The following ZNF385B variants were observed in gnomAD, a reference collection of about 807,000 sequenced individuals.
ZNF385B encodes the protein zinc finger protein 533.
A neutral mutation model predicts 39.2 loss-of-function variants in ZNF385B; 23 were observed. The ratio of observed to expected loss-of-function variants is 0.59; its 90% CI spans 0.42 to 0.83. The LOEUF is 0.83. Among genes scored for constraint, ZNF385B ranks in the 40% least tolerant of loss-of-function variants. The pLI is 0.00. For missense variants in ZNF385B, 552 were observed against 598.9 expected, an observed-to-expected ratio of 0.92 and a Z score of 0.82; for synonymous variants, 205 against 222.6, an observed-to-expected ratio of 0.92 and a Z score of 0.70.
intron 5 of ZNF385B, among the ~76,000 whole-genome samples, chr2:179,513,536 C>T (rs557179622): frequency 9.2e-5 from 14 of 152,190 alleles, no homozygotes; most frequent in Admixed American, 6.5e-4. Context: ...AGTGGATGTA[C>T]TCCTGGAGTA....
chr2:179,562,777 A>T (rs918692643), intron 3 of ZNF385B, among the ~76,000 whole-genome samples: 1 of 152,176 alleles, frequency 6.6e-6, no homozygotes, highest in Non-Finnish European at 1.5e-5. Context: ...TGACACCCAC[A>T]TCTCCCTCCT....
chr2:179,688,118 T>G (rs1287133512), intron 3 of ZNF385B, among the ~76,000 whole-genome samples: 1 of 152,056 alleles, frequency 6.6e-6, no homozygotes, highest in African/African-American at 2.4e-5. Context: ...GCCTGGCAAG[T>G]TCTCCAGGAC....
At chr2:179,482,833 A>G (rs1410889036) in intron 6 of ZNF385B, among the ~76,000 whole-genome samples, 1 of 152,082 alleles carries the variant, frequency 6.6e-6, no homozygotes, top group Non-Finnish European at 1.5e-5. Context: ...CCTTTTTACT[A>G]CAGTAAGAGA....
At chr2:179,451,528 A>G (rs2050156985) in intron 6 of ZNF385B, among the ~76,000 whole-genome samples, 1 of 152,106 alleles carries the variant, frequency 6.6e-6, no homozygotes, top group Admixed American at 6.6e-5. Context: ...TATGTTTAAC[A>G]CTTACATGGT....
chr2:179,452,716 A>G (rs1404966837), intron 6 of ZNF385B, among the ~76,000 whole-genome samples: 1 of 152,176 alleles, frequency 6.6e-6, no homozygotes, highest in Admixed American at 6.6e-5. Flanking sequence ...TCACTGCAGA[A>G]AATTTAAAAA....
intron 1 of ZNF385B, among the ~76,000 whole-genome samples, chr2:179,803,538 T>C (rs1466461939): frequency 2.0e-5 from 3 of 152,204 alleles, no homozygotes; most frequent in Non-Finnish European, 4.4e-5. Flanking sequence ...TCTTGTCTAA[T>C]TAATGGAACA....
chr2:179,568,515 C>G (rs1317762183), intron 3 of ZNF385B, among the ~76,000 whole-genome samples: 1 of 152,172 alleles, frequency 6.6e-6, no homozygotes, highest in African/African-American at 2.4e-5. Context: ...ATTTTAGCAT[C>G]AAATAGTTTC....
At position 179,443,048 on chromosome 2, in the gene ZNF385B, A is replaced by AT. The variant is rs1260769482; in HGVS notation, c.*201dup. 2 of 656,026 alleles carry AT rather than the reference A, an allele frequency of 3.0e-6. No individual in the cohort carries two copies. The highest frequency in any genetic ancestry group is 3.6e-5 in the African/African-American group (2 of 55,530). 40.6% of individuals were successfully genotyped at this position (656,026 alleles called of 1,614,324 possible). Reference sequence around the variant, plus strand: ...TAGGGAGATAAAGCCTATGCTGCTGATTCCTCAATTATAGGAGCAGTCTCT... The same window carrying AT: ...TAGGGAGATAAAGCCTATGCTGCTGATTTCCTCAATTATAGGAGCAGTCTCT... On this transcript the variant is annotated 3_prime_UTR_variant, in exon 10 of 10. Coordinates refer to ENST00000410066, the MANE Select transcript of ZNF385B (RefSeq NM_152520.6).
chr2:179,657,387 G>T (rs753869025), intron 3 of ZNF385B, among the ~76,000 whole-genome samples: 1 of 152,152 alleles, frequency 6.6e-6, no homozygotes, highest in Non-Finnish European at 1.5e-5. Flanking sequence ...TTTATGTAAC[G>T]TTCCAAAGAA....
At chr2:179,685,975 T>C (rs2106333810) in intron 3 of ZNF385B, among the ~76,000 whole-genome samples, 1 of 152,330 alleles carries the variant, frequency 6.6e-6, no homozygotes, top group Middle Eastern at 3.4e-3. Flanking sequence ...CTTCTATTAA[T>C]TGGGAAGGGA....
At chr2:179,684,168 A>G (rs996638163) in intron 3 of ZNF385B, among the ~76,000 whole-genome samples, 1 of 152,234 alleles carries the variant, frequency 6.6e-6, no homozygotes, top group Non-Finnish European at 1.5e-5. Flanking sequence ...CCGTTAGCAT[A>G]TCAAAATCAT....
rs180869896 is a variant in ZNF385B at position 179,448,283 on chromosome 2, T to G, written c.716-1513A>C. ...ATTAGATTGGATAATATTTTAGGCC[T>G]GGAACCCTCTCATCTATAAGGATCC... On this transcript the variant is annotated intron_variant, in intron 6 of 9. Coordinates refer to ENST00000410066, the MANE Select transcript of ZNF385B (RefSeq NM_152520.6). Among the ~76,000 whole-genome samples the G allele has an allele frequency of 6.6e-5, 10 of 152,222 alleles. No individual in the cohort carries two copies. In the East Asian group the frequency reaches 1.5e-3, roughly 24 times the overall value.
At chr2:179,541,783 G>A (rs2059933218) in intron 4 of ZNF385B, among the ~76,000 whole-genome samples, 1 of 151,832 alleles carries the variant, frequency 6.6e-6, no homozygotes, top group Non-Finnish European at 1.5e-5. Flanking sequence ...TGATTCTGCT[G>A]AAAATTGCCT....
Position 179,442,296 on chromosome 2 carries a change from G to T in ZNF385B, c.*954C>A, listed in dbSNP as rs1352188929. The T allele has an allele frequency of 2.0e-5, 3 of 152,606 alleles. No homozygotes were observed. The highest frequency in any genetic ancestry group is 2.1e-4 in the South Asian group (1 of 4,830). 9.5% of individuals were successfully genotyped at this position (152,606 alleles called of 1,614,324 possible). On this transcript the variant is annotated 3_prime_UTR_variant, in exon 10 of 10. Transcript: ENST00000410066. ...GTAGCATCATTACAAATGAAAACAG[G>T]TTAAAAATGAAGAAGATACTTATAT...
At chr2:179,685,626 A>C (rs1398704950) in intron 3 of ZNF385B, among the ~76,000 whole-genome samples, 8 of 152,114 alleles carry the variant, frequency 5.3e-5, no homozygotes, top group Non-Finnish European at 1.2e-4. Context: ...CAGACAGCAC[A>C]ATTTTTTACT....
chr2:179,572,515 T>A (rs1685339132), intron 3 of ZNF385B, among the ~76,000 whole-genome samples: 1 of 152,030 alleles, frequency 6.6e-6, no homozygotes, highest in African/African-American at 2.4e-5. Context: ...AATTTGAGTA[T>A]GAACCGAGGG....
intron 3 of ZNF385B, chr2:179,745,572 T>C: frequency 1.5e-6 from 1 of 651,708 alleles, no homozygotes; most frequent in Non-Finnish European, 2.3e-6. Context: ...TATTTTGCTC[T>C]TCAGCTTTGC....
chr2:179,693,604 T>C (rs575039676), intron 3 of ZNF385B, among the ~76,000 whole-genome samples: 1 of 152,334 alleles, frequency 6.6e-6, no homozygotes, highest in South Asian at 2.1e-4. Context: ...CAGAGTTTCA[T>C]TGGCTACGTT....
chr2:179,570,479 G>A (rs994200685), intron 3 of ZNF385B, among the ~76,000 whole-genome samples: 1 of 152,168 alleles, frequency 6.6e-6, no homozygotes, highest in Non-Finnish European at 1.5e-5. Context: ...CTTTGGAGAA[G>A]TGCTTATTCT....
Sources: allele counts gnomAD v4.1 joint callset (sites outside exome capture counted in the v4.1 genomes callset), GRCh38; gene constraint gnomAD v4.1.1; transcripts MANE v1.5; gene names NCBI Gene and HGNC (gene_info 2026-07-23, HGNC 2026-07-21).